G6PC3: variants seen among roughly 807,000 people sequenced by gnomAD.
The protein encoded by G6PC3 is glucose-6-phosphatase 3.
A neutral mutation model predicts 38.6 loss-of-function variants in G6PC3; 30 were observed. That is an observed-to-expected ratio of 0.78 (90% CI 0.58 to 1.05). The LOEUF is 1.05. Among genes scored for constraint, G6PC3 ranks in the 50% least tolerant of loss-of-function variants. The pLI is 0.00. For synonymous variants in G6PC3, 192 were observed against 178.1 expected (o/e 1.08, Z -0.62); for missense variants, 377 against 443.1 (o/e 0.85, Z 1.34).
chr17:44,075,773 T>G lies in G6PC3; in HGVS notation c.771T>G (p.Ala257=). Residue 257 remains alanine, a synonymous_variant, in exon 6 of 6, where the codon GCT becomes GCG. Transcript: ENST00000269097. The stretch of plus-strand genomic sequence containing the variant: ...CCTCCCTGAGCCGTGACTCAGGGGC[T>G]GCCCTGGGCCTGGGCATTGCCTTGC... ...PFASLSRDSG[A]ALGLGIALHS... 1 of 1,612,436 alleles carries G rather than the reference T, an allele frequency of 6.2e-7. No homozygotes were observed. The highest frequency in any genetic ancestry group is 8.5e-7 in the Non-Finnish European group (1 of 1,179,990).
rs1408093949 is a variant in G6PC3 at position 44,075,911 on chromosome 17, C to G, written c.909C>G (p.Pro303=). The change falls in exon 6 of 6, where the codon CCC becomes CCG. Residue 303 remains proline, a synonymous_variant. Transcript: ENST00000269097. ...GCCCCCTGGACTGGCTGGGCCACCCCCCTCAGATCAGCCTCTTCTACATTT... is the reference window on the plus strand; with the variant it reads ...GCCCCCTGGACTGGCTGGGCCACCCGCCTCAGATCAGCCTCTTCTACATTT... ...LLGPLDWLGH[P]PQISLFYIFN... The G allele has an allele frequency of 6.2e-7, 1 of 1,613,170 alleles. No individual in the cohort carries two copies. The highest frequency in any genetic ancestry group is 2.2e-5 in the East Asian group (1 of 44,882).
chr17:44,071,255 C>G (rs1184155706), intron 1 of G6PC3, 72 bp downstream of exon 1: 2 of 1,562,526 alleles, frequency 1.3e-6, no homozygotes, highest in Non-Finnish European at 1.7e-6. Context: ...AAGCCCTGGT[C>G]TCTTTCAGCA....
At chr17:44,071,472 A>G (rs2144136881) in intron 1 of G6PC3, 1 of 622,302 alleles carries the variant, frequency 1.6e-6, no homozygotes, top group East Asian at 3.5e-5. Flanking sequence ...TTACTAATTT[A>G]GAAACTCCAA....
In G6PC3 at chr17:44,071,029, C is replaced by T; in HGVS notation, c.64C>T (p.Leu22=). 6.3e-7 allele frequency: 1 copy of T among 1,588,576 alleles called. No individual in the cohort carries two copies. The highest frequency in any genetic ancestry group is 8.6e-7 in the Non-Finnish European group (1 of 1,166,660). Residue 22 remains leucine (L), a synonymous_variant, in exon 1 of 6, where the codon CTG becomes TTG. Transcript: ENST00000269097. ...GGCGCTACAGAACCAGCTAGCCTGG[C>T]TGGAGAACGTGTGGCTCTGGATCAC... ...AEALQNQLAW[L]ENVWLWITFL... is the part of the protein sequence containing the mutation.
chr17:44,076,260 C>T lies in G6PC3; in HGVS notation c.*217C>T. 1.4e-6 allele frequency: 1 copy of T among 730,448 alleles called. No homozygotes were observed. Among genetic ancestry groups the T allele is most frequent in the Non-Finnish European group, 2.5e-6 (1 of 408,142 alleles). The allele number at this position is 730,448 out of a possible 1,614,324, so 45.2% of individuals were successfully genotyped here. ...CCTTTCCTCTCAAGCCCCCAAAGAGCAAAGGCAACAGCAAGACCAGCGGGT... is the reference window on the plus strand; with the variant it reads ...CCTTTCCTCTCAAGCCCCCAAAGAGTAAAGGCAACAGCAAGACCAGCGGGT... On this transcript the variant is annotated 3_prime_UTR_variant, in exon 6 of 6. Transcript: ENST00000269097.
chr17:44,076,047 C>A lies in G6PC3; in HGVS notation c.*4C>A. 2 of 1,612,392 alleles carry A rather than the reference C, an allele frequency of 1.2e-6. No individual in the cohort carries two copies. Among genetic ancestry groups the A allele is most frequent in the Non-Finnish European group, 1.7e-6 (2 of 1,180,002 alleles). On this transcript the variant is annotated 3_prime_UTR_variant, in exon 6 of 6. Transcript: ENST00000269097. The stretch of plus-strand genomic sequence containing the variant: ...ACCGCCCATCCACTCTTCCTGACTT[C>A]TTGTGTGCCTCCCTTTCCTTTCCCT...
At position 44,075,693 on chromosome 17, in the gene G6PC3, G is replaced by A; in HGVS notation, c.691G>A (p.Ala231Thr). ...TCTTCCCCACAGGTCCATCAGCCTA[G>A]CCTTCAAGTGGTGTGAGCGGCCTGA... is the stretch of plus-strand genomic sequence containing the variant. Reference protein sequence around the residue: ...GLDLSWSISLAFKWCERPEWI... With the variant: ...GLDLSWSISLTFKWCERPEWI... Residue 231 changes from alanine (A) to threonine (T), a missense_variant, in exon 6 of 6, where the codon GCC becomes ACC. Transcript: ENST00000269097. 6.2e-7 allele frequency: 1 copy of A among 1,611,770 alleles called. No homozygotes were observed. The highest frequency in any genetic ancestry group is 8.5e-7 in the Non-Finnish European group (1 of 1,180,014).
At position 44,070,873 on chromosome 17, in the gene G6PC3, G is replaced by A. The variant is rs1013712201; in HGVS notation, c.-93G>A. On this transcript the variant is annotated 5_prime_UTR_variant, in exon 1 of 6. Coordinates refer to ENST00000269097, the MANE Select transcript of G6PC3 (RefSeq NM_138387.4). Reference sequence around the variant, plus strand: ...CGGGGCCTGGGGCTCAGAGGGGTGGGCTTTGGAGATCAGAGGGTCGACGCT... The same window carrying A: ...CGGGGCCTGGGGCTCAGAGGGGTGGACTTTGGAGATCAGAGGGTCGACGCT... 3.5e-6 allele frequency: 5 copies of A among 1,425,472 alleles called. No individual in the cohort carries two copies. The East Asian group carries it at 9.9e-5, about 28-fold the overall frequency. 88.3% of individuals were successfully genotyped at this position (1,425,472 alleles called of 1,614,324 possible).
In G6PC3 at chr17:44,075,025, G is replaced by A. The variant is rs897583862; in HGVS notation, c.473G>A (p.Gly158Asp). ...TATTGCACCTTCCTTTTGGCGGTTG[G>A]CTTGTCGCGAATCTTCATCTTAGCA... ...LAYCTFLLAV[G>D]LSRIFILAHF... The change falls in exon 4 of 6, where the codon GGC (glycine) becomes GAC (aspartate). Residue 158 changes from glycine (G) to aspartate (D), a missense_variant. By Grantham distance (94) the Gly-to-Asp change is moderately conservative. Coordinates refer to ENST00000269097, the MANE Select transcript of G6PC3 (RefSeq NM_138387.4). The A allele has an allele frequency of 1.9e-6, 3 of 1,614,160 alleles. No individual in the cohort carries two copies. Among genetic ancestry groups the A allele is most frequent in the Non-Finnish European group, 2.5e-6 (3 of 1,180,018 alleles).
chr17:44,075,539 A>G, intron 5 of G6PC3, 88 bp downstream of exon 5: 1 of 1,599,268 alleles, frequency 6.3e-7, no homozygotes, highest in Non-Finnish European at 8.5e-7. Context: ...CATTATAGCT[A>G]AAAAAGGACA....
At chr17:44,071,452 C>T (rs1354931838) in intron 1 of G6PC3, 2 of 628,992 alleles carry the variant, frequency 3.2e-6, no homozygotes, top group South Asian at 2.0e-5. Flanking sequence ...ATCCCATCCT[C>T]ATCTCACACT....
Position 44,074,765 on chromosome 17 carries a change from C to T in G6PC3, c.411C>T (p.Ala137=). 1 of 1,613,776 alleles carries T rather than the reference C, an allele frequency of 6.2e-7. No individual in the cohort carries two copies. Residue 137 remains alanine, a synonymous_variant, in exon 3 of 6, where the codon GCC becomes GCT. Transcript: ENST00000269097. ...TGTCTTCGCAGGTGGCCACTCGGGCCCGCAGGTATACCCTTGGCATTGCCC... is the reference window on the plus strand; with the variant it reads ...TGTCTTCGCAGGTGGCCACTCGGGCTCGCAGGTATACCCTTGGCATTGCCC... ...TALSSQVATR[A]RSRWVRVMPS...
intron 5 of G6PC3, 50 bp from the exon 6 acceptor site, chr17:44,075,630 T>C: frequency 6.2e-7 from 1 of 1,606,380 alleles, no homozygotes; most frequent in African/African-American, 1.3e-5. Flanking sequence ...CAAGAGCCAG[T>C]GGCCTTCTAT....
intron 5 of G6PC3, 87 bp downstream of exon 5, chr17:44,075,538 T>C (rs2050079858): frequency 1.9e-6 from 3 of 1,602,750 alleles, no homozygotes; most frequent in Non-Finnish European, 2.6e-6. Context: ...TCATTATAGC[T>C]AAAAAAGGAC....
In G6PC3 at chr17:44,070,866, G is replaced by T. The variant is rs868357851; in HGVS notation, c.-100G>T. On this transcript the variant is annotated 5_prime_UTR_variant, in exon 1 of 6. It adds an upstream start codon to the 5' untranslated region. Transcript: ENST00000269097. ...GGCGGGGCGGGGCCTGGGGCTCAGA[G>T]GGGTGGGCTTTGGAGATCAGAGGGT... 4 of 1,374,062 alleles carry T rather than the reference G, an allele frequency of 2.9e-6. No individual in the cohort carries two copies. In the South Asian group the frequency reaches 3.7e-5, roughly 13 times the overall value. The allele number at this position is 1,374,062 out of a possible 1,614,324, so 85.1% of individuals were successfully genotyped here.
Position 44,071,127 on chromosome 17 carries a change from C to T in G6PC3, c.162C>T (p.Gly54=). Reference sequence around the variant, plus strand: ...CCTACTACGCCTCCCGCCGTGTGGGCATCGCGGTGCTCTGGATCAGCCTCA... The same window carrying T: ...CCTACTACGCCTCCCGCCGTGTGGGTATCGCGGTGCTCTGGATCAGCCTCA... ...PAAYYASRRV[G]IAVLWISLIT... is the part of the protein sequence containing the mutation. Residue 54 remains glycine (G), a synonymous_variant, in exon 1 of 6, where the codon GGC becomes GGT. Coordinates refer to ENST00000269097, the MANE Select transcript of G6PC3 (RefSeq NM_138387.4). The T allele has an allele frequency of 6.2e-7, 1 of 1,614,038 alleles. No individual in the cohort carries two copies. Among genetic ancestry groups the T allele is most frequent in the African/African-American group, 1.3e-5 (1 of 75,066 alleles).
At chr17:44,074,911 G>A in intron 3 of G6PC3, 58 bp from the exon 4 acceptor site, 1 of 1,499,820 alleles carries the variant, frequency 6.7e-7, no homozygotes, top group Non-Finnish European at 9.3e-7. Context: ...CCTGGGTGCT[G>A]CAGGAGGCCA....
At chr17:44,073,284 G>A (rs2144142984) in intron 1 of G6PC3, 1 of 152,676 alleles carries the variant, frequency 6.5e-6, no homozygotes, top group Middle Eastern at 3.4e-3. Context: ...CATGGAGGCA[G>A]GGGTAGCAGG....
In G6PC3 at chr17:44,071,046, C is replaced by G. The variant is rs1324312988; in HGVS notation, c.81C>G (p.Leu27=). 2 of 1,603,230 alleles carry G rather than the reference C, an allele frequency of 1.2e-6. No homozygotes were observed. Among genetic ancestry groups the G allele is most frequent in the Admixed American group, 1.7e-5 (1 of 58,750 alleles). The part of the protein sequence containing the change: ...NQLAWLENVW[L]WITFLGDPKI... ...TAGCCTGGCTGGAGAACGTGTGGCTCTGGATCACCTTTCTGGGCGATCCCA... is the reference window on the plus strand; with the variant it reads ...TAGCCTGGCTGGAGAACGTGTGGCTGTGGATCACCTTTCTGGGCGATCCCA... Residue 27 remains leucine (L), a synonymous_variant, in exon 1 of 6, where the codon CTC becomes CTG. Coordinates refer to ENST00000269097, the MANE Select transcript of G6PC3 (RefSeq NM_138387.4).
Sources: gnomAD v4.1 joint callset for allele counts on GRCh38, gnomAD v4.1.1 for gene constraint, MANE v1.5 for transcripts, NCBI Gene and HGNC (gene_info 2026-07-23, HGNC 2026-07-21) for gene names.